Variants in PHLDB1 observed in about 807,000 individuals in gnomAD.
PHLDB1 encodes the protein pleckstrin homology like domain family B member 1.
Under a neutral mutation model 139.3 loss-of-function variants are expected in PHLDB1, and 65 were observed. That is an observed-to-expected ratio of 0.47 (90% CI 0.38 to 0.57). The LOEUF (loss-of-function observed/expected upper bound fraction) is 0.57. PHLDB1 is among the 20% of genes least tolerant of loss of function. PHLDB1 has a pLI of 0.00. For synonymous variants in PHLDB1, 679 were observed against 734.5 expected, an observed-to-expected ratio of 0.92 and a Z score of 1.22; for missense variants, 1,624 against 1,839.7, an observed-to-expected ratio of 0.88 and a Z score of 2.14.
chr11:118,649,683 A>T (rs565805315), intron 18 of PHLDB1, among the ~76,000 whole-genome samples: 33 of 152,226 alleles, frequency 2.2e-4, no homozygotes, highest in African/African-American at 7.5e-4. Flanking sequence ...CAGAGAAGGG[A>T]TGTGACCCAA....
chr11:118,614,765 T>C (rs1941246227), intron 3 of PHLDB1, 83 bp downstream of exon 3: 1 of 1,433,408 alleles, frequency 7.0e-7, no homozygotes, highest in African/African-American at 1.4e-5. Flanking sequence ...CCTGCATGTG[T>C]TGGGGCCCTT....
At chr11:118,607,236 T>C (rs1299477958), upstream of PHLDB1, among the ~76,000 whole-genome samples, 1 of 147,834 alleles carries the variant, frequency 6.8e-6, no homozygotes, top group Non-Finnish European at 1.5e-5. Context: ...GAGAACGGAT[T>C]GTCAAAAACA....
At chr11:118,631,825 A>G (rs1351204218) in intron 7 of PHLDB1, 88 bp from the exon 8 acceptor site, 1 of 1,429,496 alleles carries the variant, frequency 7.0e-7, no homozygotes, top group Non-Finnish European at 9.5e-7. Flanking sequence ...TTCCTCAGCA[A>G]GTGCCTGGAG....
In PHLDB1 at chr11:118,632,834, C is replaced by T. The variant is rs1483585620; in HGVS notation, c.2379+538C>T. 4 of 985,702 alleles carry T rather than the reference C, an allele frequency of 4.1e-6. No homozygotes were observed. The highest frequency in any genetic ancestry group is 4.8e-6 in the Non-Finnish European group (4 of 829,864). The allele number at this position is 985,702 out of a possible 1,614,324, so 61.1% of individuals were successfully genotyped here. ...TTCGTGCCAGCCTGCAGGGGCCACT[C>T]CCAGATGCCCAACACCGTGCCAAAA... On this transcript the variant is annotated intron_variant, in intron 9 of 22. Coordinates refer to ENST00000600882, the MANE Select transcript of PHLDB1 (RefSeq NM_001144758.3). This position sits in a 1 kb window ranked among gnomAD's most constrained non-coding sequence, Gnocchi z 5.9.
chr11:118,629,487 C>T (rs1944425078), intron 6 of PHLDB1, among the ~76,000 whole-genome samples: 1 of 152,190 alleles, frequency 6.6e-6, no homozygotes, highest in Non-Finnish European at 1.5e-5. Context: ...TGGATTCTGC[C>T]CTCTGTCCCT....
At chr11:118,654,421 A>G (rs1318585101) in intron 20 of PHLDB1, 1 of 152,294 alleles carries the variant, frequency 6.6e-6, no homozygotes, top group East Asian at 1.9e-4. Context: ...AAGTATTCAT[A>G]TAGTTCAAAA....
chr11:118,655,372 T>C (rs1435986472), intron 20 of PHLDB1: 4 of 427,264 alleles, frequency 9.4e-6, no homozygotes, highest in African/African-American at 2.0e-5. Flanking sequence ...TTGGGGTAGG[T>C]GAGAAGTGGT....
In PHLDB1 at chr11:118,616,077, C is replaced by A. The variant is rs1555089027; in HGVS notation, c.221C>A (p.Ser74Ter). 3 of 1,614,070 alleles carry A rather than the reference C, an allele frequency of 1.9e-6. No homozygotes were observed. Among genetic ancestry groups the A allele is most frequent in the Non-Finnish European group, 2.5e-6 (3 of 1,179,926 alleles). Residue 74 changes from serine (S) to a stop codon, truncating the protein, a stop_gained, in exon 4 of 23, where the codon TCA becomes TAA. Transcript: ENST00000600882. LOFTEE classifies it high-confidence loss of function. ...ATTGGCTCTGCAGCCAGAGACATCT[C>A]ACTACAGGGCCCAGGCCTGGCTCCA... Reference protein sequence around the residue: ...TVIGSAARDISLQGPGLAPEH... With the variant: ...TVIGSAARDI
chr11:118,619,587 G>A (rs782036318), intron 4 of PHLDB1, among the ~76,000 whole-genome samples: 33 of 152,162 alleles, frequency 2.2e-4, no homozygotes, highest in Admixed American at 3.9e-4. Context: ...TCTCATTGGC[G>A]GGCATCCTCT....
intron 10 of PHLDB1, 51 bp downstream of exon 10, chr11:118,635,599 G>T (rs371746444): frequency 7.0e-7 from 1 of 1,430,666 alleles, no homozygotes. Context: ...CAGTGACCTG[G>T]GTTTGAATCC....
rs1203600246 is a variant in PHLDB1 at position 118,608,891 on chromosome 11, C to T, written c.-22+1192C>T. Among the ~76,000 whole-genome samples, 1 of 152,008 alleles carries T rather than the reference C, an allele frequency of 6.6e-6. No homozygotes were observed. Among genetic ancestry groups the T allele is most frequent in the African/African-American group, 2.4e-5 (1 of 41,362 alleles). ...ACGCGCCCCAGCTCACACATGCACC[C>T]CAGTCACACAGCCTACCTCACACAC... On this transcript the variant is annotated intron_variant, in intron 1 of 22. Transcript: ENST00000600882. This position sits in a 1 kb window ranked among gnomAD's most constrained non-coding sequence, Gnocchi z 6.7.
chr11:118,618,967 A>G (rs1555092172), intron 4 of PHLDB1, among the ~76,000 whole-genome samples: 1 of 152,032 alleles, frequency 6.6e-6, no homozygotes, highest in Non-Finnish European at 1.5e-5. Flanking sequence ...CAGAGCTATG[A>G]ACATAGGAGC....
chr11:118,642,533 C>A, intron 13 of PHLDB1, 139 bp downstream of exon 13: 2 of 1,005,446 alleles, frequency 2.0e-6, no homozygotes, highest in Non-Finnish European at 2.9e-6. Context: ...ACCTCTGGGC[C>A]CTGAGAGGGT....
chr11:118,655,474 T>A (rs899737560), intron 20 of PHLDB1, 131 bp from the exon 21 acceptor site: 1 of 658,746 alleles, frequency 1.5e-6, no homozygotes, highest in Non-Finnish European at 2.7e-6. Flanking sequence ...GGGTTCTGTT[T>A]GGGGGTCTTG....
At chr11:118,644,714 C>T (rs1555125345) in intron 15 of PHLDB1, 1 of 1,285,444 alleles carries the variant, frequency 7.8e-7, no homozygotes, top group Non-Finnish European at 1.0e-6. Flanking sequence ...TCATAGAGGG[C>T]ATTGCTTTGG....
Position 118,645,489 on chromosome 11 carries a change from T to A in PHLDB1, c.3255T>A (p.Pro1085=). 6.2e-7 allele frequency: 1 copy of A among 1,611,938 alleles called. No homozygotes were observed. The highest frequency in any genetic ancestry group is 8.5e-7 in the Non-Finnish European group (1 of 1,179,020). ...PFPAGPSGFP[P]LMHHSILHHL... ...CAGCGGGCCCCTCGGGCTTCCCCCC[T>A]CTCATGCACCACTCTATCCTACACC... The change falls in exon 16 of 23, where the codon CCT becomes CCA. Residue 1085 remains proline, a synonymous_variant. Coordinates refer to ENST00000600882, the MANE Select transcript of PHLDB1 (RefSeq NM_001144758.3). The surrounding 1 kb of genome is among the most constrained non-coding windows in gnomAD (Gnocchi z 5.1).
upstream of PHLDB1, chr11:118,606,635 C>T: frequency 6.6e-6 from 1 of 152,290 alleles, no homozygotes; most frequent in East Asian, 1.9e-4. Flanking sequence ...CTAGGGCCTC[C>T]CCAGCCAGTC....
chr11:118,621,484 G>A (rs963271999), intron 4 of PHLDB1: 1 of 152,232 alleles, frequency 6.6e-6, no homozygotes, highest in Admixed American at 6.5e-5. Flanking sequence ...GCGGGCCCGG[G>A]ACCTGGAGGG....
At chr11:118,619,188 G>A (rs913974175) in intron 4 of PHLDB1, among the ~76,000 whole-genome samples, 1 of 152,258 alleles carries the variant, frequency 6.6e-6, no homozygotes, top group East Asian at 1.9e-4. Context: ...AACCAAGCAG[G>A]GGAGGACCCA....
Sources: gnomAD v4.1 joint callset for allele counts (sites outside exome capture counted in the v4.1 genomes callset) on GRCh38, gnomAD v4.1.1 for gene constraint, Gnocchi (gnomAD v3.1) non-coding constraint, MANE v1.5 for transcripts, NCBI Gene and HGNC (gene_info 2026-07-23, HGNC 2026-07-21) for gene names.